SDCBP: variants seen among roughly 807,000 people sequenced by gnomAD.
SDCBP encodes syntenin-1.
SDCBP carries 22 observed loss-of-function variants against 30.5 expected under a neutral mutation model. The ratio of observed to expected loss-of-function variants is 0.72; its 90% CI spans 0.52 to 1.03. SDCBP has a LOEUF of 1.03. Among genes scored for constraint, SDCBP ranks in the 50% least tolerant of loss-of-function variants. The pLI is 0.00. For synonymous variants in SDCBP, 103 were observed against 118.7 expected, an observed-to-expected ratio of 0.87 and a Z score of 0.86; for missense variants, 304 against 369.9, an observed-to-expected ratio of 0.82 and a Z score of 1.46.
chr8:58,557,429 ATATATAATACATATAATACATAT>A (rs1804205138), intron 1 of SDCBP, among the ~76,000 whole-genome samples: 1 of 143,934 alleles, frequency 6.9e-6, no homozygotes, highest in African/African-American at 2.5e-5. Context: ...AATATATATT[ATATATAATACATATAATACATAT>A]TATATAATAC....
chr8:58,578,090 T>C lies in SDCBP; in HGVS notation c.460T>C (p.Phe154Leu). The C allele has an allele frequency of 6.2e-7, 1 of 1,613,932 alleles. No individual in the cohort carries two copies. Among genetic ancestry groups the C allele is most frequent in the Non-Finnish European group, 8.5e-7 (1 of 1,179,832 alleles). ...NSPASLVGLR[F>L]GDQVLQINGE... ...TCCAGCCTCATTGGTTGGTCTGAGA[T>C]TTGGGGACCAAGTACTTCAGATCAA... The change falls in exon 6 of 9, where the codon TTT (phenylalanine) becomes CTT (leucine). Residue 154 changes from phenylalanine (F) to leucine (L), a missense_variant. Transcript: ENST00000260130.
intron 7 of SDCBP, among the ~76,000 whole-genome samples, chr8:58,580,291 T>G (rs547323408): frequency 3.2e-4 from 48 of 152,290 alleles, no homozygotes; most frequent in African/African-American, 1.1e-3. Context: ...TTATCTAATA[T>G]TCAGAAAGGA....
chr8:58,573,809 CA>C (rs908235238), intron 4 of SDCBP, among the ~76,000 whole-genome samples: 22 of 152,300 alleles, frequency 1.4e-4, no homozygotes, highest in African/African-American at 4.6e-4. Flanking sequence ...TTGGAGCTGA[CA>C]AACAGTAGTT....
intron 1 of SDCBP, among the ~76,000 whole-genome samples, chr8:58,562,271 C>A (rs1395248101): frequency 2.0e-5 from 3 of 152,030 alleles, no homozygotes; most frequent in Non-Finnish European, 2.9e-5. Flanking sequence ...CAAGAGCCAG[C>A]TATACCCAGT....
rs1460880515 is a variant in SDCBP at position 58,575,261 on chromosome 8, TTAAAA to T, written c.241-634_241-630del. On this transcript the variant is annotated intron_variant, in intron 4 of 8. Coordinates refer to ENST00000260130, the MANE Select transcript of SDCBP (RefSeq NM_005625.4). ...CTTTTTGGTTGGGGAAAGGTTCCAC[TTAAAA>T]TAAACCAGTTTTGATTAGGAAAACT... Among the ~76,000 whole-genome samples the T allele has an allele frequency of 7.2e-5, 11 of 152,306 alleles. No homozygotes were observed. The South Asian group carries it at 8.3e-4, about 11-fold the overall frequency.
intron 1 of SDCBP, among the ~76,000 whole-genome samples, chr8:58,554,944 GTCT>G (rs1401924253): frequency 1.3e-5 from 2 of 152,194 alleles, no homozygotes; most frequent in Non-Finnish European, 2.9e-5. Flanking sequence ...AAAGTAACAA[GTCT>G]TCTGGCAGGC....
intron 1 of SDCBP, among the ~76,000 whole-genome samples, chr8:58,555,020 ATAAGCTGTATTT>A (rs1200442538): frequency 6.6e-6 from 1 of 152,232 alleles, no homozygotes; most frequent in Non-Finnish European, 1.5e-5. Flanking sequence ...AGGCAAACAT[ATAAGCTGTATTT>A]GCCTCCTTGC....
At chr8:58,576,738 A>G (rs1029861158) in intron 5 of SDCBP, among the ~76,000 whole-genome samples, 2 of 152,228 alleles carry the variant, frequency 1.3e-5, no homozygotes, top group African/African-American at 4.8e-5. Flanking sequence ...TATAATTGTG[A>G]AGGACATGTT....
rs962648300 is a variant in SDCBP, at chr8:58,561,795, G to A, written c.-15-3224G>A. The A allele has an allele frequency of 4.8e-5, 33 of 688,618 alleles. No individual in the cohort carries two copies. In the Admixed American group the frequency reaches 7.1e-4, roughly 15 times the overall value. 42.7% of individuals were successfully genotyped at this position (688,618 alleles called of 1,614,324 possible). On this transcript the variant is annotated intron_variant, in intron 1 of 8. Transcript: ENST00000260130. ...GAGACCTGCATATTATTGTAATGGT[G>A]GTGAGTAAATCACTTATTTCTGATA...
chr8:58,581,146 AG>A (rs144322896), intron 8 of SDCBP, among the ~76,000 whole-genome samples: 5,562 of 152,310 alleles, frequency 0.037, 318 homozygotes, highest in African/African-American at 0.13. Flanking sequence ...TTCATATCCT[AG>A]CATCTACCAT....
chr8:58,570,937 A>G lies in SDCBP; in HGVS notation c.102A>G (p.Glu34=). ...CTGCCAATCCAGCAATTTTGTCAGA[A>G]GCTTCTGCTCCTATCCCTCACGATG... ...ANPANPAILS[E]ASAPIPHDGN... The change falls in exon 3 of 9, where the codon GAA becomes GAG. Residue 34 remains glutamate (E), a synonymous_variant. Transcript: ENST00000260130. The G allele has an allele frequency of 6.2e-7, 1 of 1,613,252 alleles. No homozygotes were observed. The highest frequency in any genetic ancestry group is 1.3e-5 in the African/African-American group (1 of 75,016).
At chr8:58,572,800 CTTTTTTTTTT>C (rs947602204) in intron 4 of SDCBP, among the ~76,000 whole-genome samples, 5 of 83,140 alleles carry the variant, frequency 6.0e-5, no homozygotes, top group East Asian at 4.4e-4. Context: ...TGCTCATAAT[CTTTTTTTTTT>C]TTTTTTTTTT....
intron 5 of SDCBP, 127 bp from the exon 6 acceptor site, chr8:58,577,906 T>A (rs751948752): frequency 5.6e-6 from 4 of 712,098 alleles, no homozygotes; most frequent in Non-Finnish European, 9.1e-6. Flanking sequence ...TTTCCTTTTT[T>A]TCTTTTTCTT....
chr8:58,561,800 G>A, intron 1 of SDCBP: 1 of 688,024 alleles, frequency 1.5e-6, no homozygotes, highest in Non-Finnish European at 2.6e-6. Flanking sequence ...ATGGTGGTGA[G>A]TAAATCACTT....
At chr8:58,575,282 T>C (rs1236855497) in intron 4 of SDCBP, among the ~76,000 whole-genome samples, 1 of 152,186 alleles carries the variant, frequency 6.6e-6, no homozygotes, top group Non-Finnish European at 1.5e-5. Context: ...CAGTTTTGAT[T>C]AGGAAAACTG....
chr8:58,571,328 G>T (rs17204866), intron 3 of SDCBP, among the ~76,000 whole-genome samples: 2,578 of 152,156 alleles, frequency 0.017, 33 homozygotes, highest in African/African-American at 0.035. Context: ...TTTCTGAATT[G>T]TCTTCTGTCT....
In SDCBP at chr8:58,582,095, T is replaced by C; in HGVS notation, c.*355T>C. 1 of 245,722 alleles carries C rather than the reference T, an allele frequency of 4.1e-6. No homozygotes were observed. The highest frequency in any genetic ancestry group is 8.0e-6 in the Non-Finnish European group (1 of 125,416). The allele number at this position is 245,722 out of a possible 1,614,324, so 15.2% of individuals were successfully genotyped here. On this transcript the variant is annotated 3_prime_UTR_variant, in exon 9 of 9. Coordinates refer to ENST00000260130, the MANE Select transcript of SDCBP (RefSeq NM_005625.4). ...AGTCACCTTTCTCCTAGGTAATGAG[T>C]AGTGCTGTTCATATTACTTTAGTTC...
chr8:58,568,837 G>T (rs115754303), intron 2 of SDCBP, among the ~76,000 whole-genome samples: 268 of 152,270 alleles, frequency 1.8e-3, no homozygotes, highest in African/African-American at 6.2e-3. Flanking sequence ...TTTAATGCCT[G>T]TTCTTCCTTC....
At chr8:58,580,477 A>G in intron 7 of SDCBP, 40 bp from the exon 8 acceptor site, 1 of 967,320 alleles carries the variant, frequency 1.0e-6, no homozygotes, top group Non-Finnish European at 1.7e-6. Flanking sequence ...TATTAAATAA[A>G]GCCTCTGTGG....
Sources: allele counts gnomAD v4.1 joint callset (sites outside exome capture counted in the v4.1 genomes callset), GRCh38; gene constraint gnomAD v4.1.1; transcripts MANE v1.5; gene names NCBI Gene and HGNC (gene_info 2026-07-23, HGNC 2026-07-21).